ANK1: variants seen among roughly 807,000 people sequenced by gnomAD.
The protein encoded by ANK1 is ankyrin-1.
In ANK1, 51 loss-of-function variants were observed where a neutral mutation model predicts 210.4. That is an observed-to-expected ratio of 0.24 (90% confidence interval 0.19 to 0.31). The LOEUF is 0.31. ANK1 is among the 10% of genes least tolerant of loss of function. The pLI, the probability that ANK1 is intolerant of heterozygous loss-of-function variation, is 1.00. For missense variants in ANK1, 2,051 were observed against 2,504.4 expected (o/e 0.82, Z 3.86); for synonymous variants, 967 against 1,025.9 (o/e 0.94, Z 1.10).
rs769839013 is a variant in ANK1, at chr8:41,686,270, C to T, written c.4272G>A (p.Glu1424=). The T allele has an allele frequency of 3.1e-6, 5 of 1,613,790 alleles. No individual in the cohort carries two copies. In the South Asian group the frequency reaches 5.5e-5, roughly 18 times the overall value. ...TGATGTCTTCCACACTGAACTGCAGCTCCCGGGCCAACTCTGCAAGCAAAG... is the reference window on the plus strand; with the variant it reads ...TGATGTCTTCCACACTGAACTGCAGTTCCCGGGCCAACTCTGCAAGCAAAG... ...LGLSWAELAR[E]LQFSVEDINR... The change falls in exon 36 of 43, where the codon GAG becomes GAA. Residue 1424 remains glutamate (E), a synonymous_variant. Coordinates refer to ENST00000289734, the MANE Select transcript of ANK1 (RefSeq NM_000037.4).
At chr8:41,662,329 C>T (rs1808655783) in intron 40 of ANK1, among the ~76,000 whole-genome samples, 1 of 152,060 alleles carries the variant, frequency 6.6e-6, no homozygotes, top group South Asian at 2.1e-4. Flanking sequence ...CAGGAATGAG[C>T]TCCGAGGGGG....
At position 41,672,311 on chromosome 8, in the gene ANK1, C is replaced by T. The variant is rs758181706; in HGVS notation, c.5096+43G>A. 20 of 1,603,628 alleles carry T rather than the reference C, an allele frequency of 1.2e-5. No homozygotes were observed. The Middle Eastern group carries it at 6.6e-4, about 53-fold the overall frequency. On this transcript the variant is annotated intron_variant, in intron 38 of 42. Transcript: ENST00000289734. ...CCAGGCATAATCTTACCCAGGAGCC[C>T]AGAAGACAAAAAGGGACCCTGCTCC...
At chr8:41,767,764 T>G (rs1842175497) in intron 1 of ANK1, among the ~76,000 whole-genome samples, 1 of 152,098 alleles carries the variant, frequency 6.6e-6, no homozygotes. Context: ...ACACGTCCAG[T>G]GGAGGTGAGG....
upstream of ANK1, among the ~76,000 whole-genome samples, chr8:41,800,384 C>A (rs1324754791): frequency 6.6e-6 from 1 of 152,154 alleles, no homozygotes; most frequent in Non-Finnish European, 1.5e-5. Context: ...AGACACGGTG[C>A]CAGGTTTCTA....
intron 24 of ANK1, among the ~76,000 whole-genome samples, chr8:41,697,312 C>A (rs1011623163): frequency 2.6e-5 from 4 of 152,186 alleles, no homozygotes; most frequent in African/African-American, 9.6e-5. Flanking sequence ...TAGGGTAACG[C>A]TGCAACTACA....
At chr8:41,807,693 T>C (rs1033465953) in intron 1 of ANK1, among the ~76,000 whole-genome samples, 4 of 152,184 alleles carry the variant, frequency 2.6e-5, no homozygotes, top group Non-Finnish European at 5.9e-5. Context: ...GCTCTTGAGA[T>C]AATATTTGAA....
intron 1 of ANK1, among the ~76,000 whole-genome samples, chr8:41,794,039 A>G (rs1258866188): frequency 5.9e-5 from 9 of 152,234 alleles, no homozygotes; most frequent in Non-Finnish European, 1.5e-5. Context: ...GCCACACTAT[A>G]TCAGGTGGTT....
intron 1 of ANK1, among the ~76,000 whole-genome samples, chr8:41,761,899 G>A (rs1420233092): frequency 1.3e-5 from 2 of 151,844 alleles, no homozygotes; most frequent in African/African-American, 2.4e-5. Flanking sequence ...ACAACCCCAG[G>A]CCTGCAGAAA....
chr8:41,714,271 C>T lies in ANK1; in HGVS notation c.1702-17G>A. On this transcript the variant is annotated splice_polypyrimidine_tract_variant and intron_variant, in intron 15 of 42. Transcript: ENST00000289734. Reference sequence around the variant, plus strand: ...CAGGCCATTCTGCAGGGGACAAAGACAAAAGAGGCCGGCTGTCACTCCCAC... The same window carrying T: ...CAGGCCATTCTGCAGGGGACAAAGATAAAAGAGGCCGGCTGTCACTCCCAC... The T allele has an allele frequency of 6.5e-7, 1 of 1,536,240 alleles. No homozygotes were observed. Among genetic ancestry groups the T allele is most frequent in the Non-Finnish European group, 8.8e-7 (1 of 1,132,344 alleles).
chr8:41,678,151 CT>C (rs963892158), intron 37 of ANK1, among the ~76,000 whole-genome samples: 19 of 149,054 alleles, frequency 1.3e-4, no homozygotes, highest in African/African-American at 4.4e-4. Flanking sequence ...TTTTCTTTTT[CT>C]TTTTTTTTGC....
chr8:41,728,087 C>G (rs1342902651), intron 3 of ANK1, 81 bp from the exon 4 acceptor site: 1 of 1,413,852 alleles, frequency 7.1e-7, no homozygotes, highest in East Asian at 2.3e-5. Context: ...TGGACAGGTG[C>G]TGCTTGAGGG....
At chr8:41,896,218 C>A in intron 1 of ANK1, 2 of 1,267,308 alleles carry the variant, frequency 1.6e-6, no homozygotes, top group Non-Finnish European at 2.0e-6. Context: ...GCCCACCGAG[C>A]CTTCCCCGCT....
chr8:41,879,408 C>CATTG (rs1164178733), intron 1 of ANK1, among the ~76,000 whole-genome samples: 1 of 152,180 alleles, frequency 6.6e-6, no homozygotes, highest in Non-Finnish European at 1.5e-5. Context: ...TTCTCGAGAA[C>CATTG]ATTGACATTC....
rs560883733 is a variant in ANK1, at chr8:41,712,878, TC to T, written c.1800+1277del. Among the ~76,000 whole-genome samples the T allele has an allele frequency of 1.1e-3, 168 of 151,298 alleles. 1 individual carries two copies. The highest frequency in any genetic ancestry group is 3.9e-3 in the African/African-American group (160 of 41,180). ...AGTAGGGGAGTGAGGAGGAGGGGAG[TC>T]CAGGTTTTTATTTTTAGAGGCAGGA... On this transcript the variant is annotated intron_variant, in intron 16 of 42. Transcript: ENST00000289734.
intron 1 of ANK1, among the ~76,000 whole-genome samples, chr8:41,808,178 C>T (rs1013331275): frequency 1.3e-5 from 2 of 152,220 alleles, no homozygotes; most frequent in Non-Finnish European, 2.9e-5. Flanking sequence ...GCTGCACCAA[C>T]TCAGACAGCT....
Position 41,708,408 on chromosome 8 carries a change from C to T in ANK1, c.1998+370G>A, listed in dbSNP as rs184594641. 5.9e-5 allele frequency among the ~76,000 whole-genome samples: 9 copies of T among 152,250 alleles called. No individual in the cohort carries two copies. In the South Asian group the frequency reaches 8.3e-4, roughly 14 times the overall value. On this transcript the variant is annotated intron_variant, in intron 17 of 42. Coordinates refer to ENST00000289734, the MANE Select transcript of ANK1 (RefSeq NM_000037.4). ...TGTTTTTAAAAATATCTTTCCCCCA[C>T]GGAACATAGAATATTTAGTCCCAAA...
In ANK1 at chr8:41,692,344, A is replaced by G. The variant is rs148251752; in HGVS notation, c.3858+304T>C. Among the ~76,000 whole-genome samples the G allele has an allele frequency of 1.8e-3, 279 of 152,354 alleles. 2 individuals carry two copies. Among genetic ancestry groups the G allele is most frequent in the Admixed American group, 3.5e-3 (54 of 15,308 alleles). ...AGTGTTGAGATGAAAGGCGTGAGCC[A>G]CTGCGCCCGGCATGGCCAGCACTTT... is the stretch of plus-strand genomic sequence containing the variant. On this transcript the variant is annotated intron_variant, in intron 31 of 42. Coordinates refer to ENST00000289734, the MANE Select transcript of ANK1 (RefSeq NM_000037.4).
intron 1 of ANK1, among the ~76,000 whole-genome samples, chr8:41,855,206 C>G (rs1418691126): frequency 1.3e-5 from 2 of 152,126 alleles, no homozygotes; most frequent in Non-Finnish European, 2.9e-5. Context: ...GGTACAGGAA[C>G]AATTGAATAA....
intron 1 of ANK1, among the ~76,000 whole-genome samples, chr8:41,790,771 T>C (rs1027367201): frequency 3.3e-5 from 5 of 152,218 alleles, no homozygotes; most frequent in African/African-American, 1.2e-4. Context: ...CTTTAGACTT[T>C]CTGGCTAATG....
Sources: allele counts gnomAD v4.1 joint callset (sites outside exome capture counted in the v4.1 genomes callset), GRCh38; gene constraint gnomAD v4.1.1; transcripts MANE v1.5; gene names NCBI Gene and HGNC (gene_info 2026-07-23, HGNC 2026-07-21).